The following PCDHGA4 variants were observed in gnomAD, a reference collection of about 807,000 sequenced individuals.
PCDHGA4 encodes protocadherin gamma-A4.
In PCDHGA4, 38 loss-of-function variants were observed where a neutral mutation model predicts 54.6. That is an observed-to-expected ratio of 0.70 (90% CI 0.54 to 0.91). The LOEUF (loss-of-function observed/expected upper bound fraction) is 0.91, where lower values mean the gene tolerates loss of function less well. Ranked by LOEUF, PCDHGA4 falls within the 40% of genes least tolerant of loss-of-function variation. PCDHGA4 has a pLI of 0.00. For synonymous variants in PCDHGA4, 511 were observed against 512.9 expected, an observed-to-expected ratio of 1.00 and a Z score of 0.05; for missense variants, 1,298 against 1,220.9, an observed-to-expected ratio of 1.06 and a Z score of -0.94.
At chr5:141,406,547 A>G (rs1414255326) in intron 1 of PCDHGA4, among the ~76,000 whole-genome samples, 1 of 152,216 alleles carries the variant, frequency 6.6e-6, no homozygotes, top group Non-Finnish European at 1.5e-5. Flanking sequence ...TTCAAACTTC[A>G]GTTATCCACT....
rs2099750571 is a variant in PCDHGA4, at chr5:141,493,878, T to A, written c.2515-929T>A. On this transcript the variant is annotated intron_variant, in intron 1 of 3. Coordinates refer to ENST00000571252, the MANE Select transcript of PCDHGA4 (RefSeq NM_018917.4). This position sits in a 1 kb window ranked among gnomAD's most constrained non-coding sequence, Gnocchi z 4.3. ...GCCCACCCCAGAACCAGTGAGGAGG[T>A]GGCTCTAGGAGTGCTCCATGAGAGT... is the stretch of plus-strand genomic sequence containing the variant. 6.6e-6 allele frequency among the ~76,000 whole-genome samples: 1 copy of A among 152,072 alleles called. No homozygotes were observed. The highest frequency in any genetic ancestry group is 6.6e-5 in the Admixed American group (1 of 15,264).
chr5:141,478,903 C>T lies in PCDHGA4; in HGVS notation c.2515-15904C>T. On this transcript the variant is annotated intron_variant, in intron 1 of 3. Transcript: ENST00000571252. Reference sequence around the variant, plus strand: ...TGGTATCATTTACATTAGGAATAAGCTGCTGGATACCTCTAACCAGTGGCA... The same window carrying T: ...TGGTATCATTTACATTAGGAATAAGTTGCTGGATACCTCTAACCAGTGGCA... 4.2e-6 allele frequency: 4 copies of T among 957,824 alleles called. No homozygotes were observed. The South Asian group carries it at 7.3e-5, about 18-fold the overall frequency. 59.3% of individuals were successfully genotyped at this position (957,824 alleles called of 1,614,324 possible). A position where few individuals can be genotyped will look rare whatever the true frequency, so the allele number is the denominator to read the frequency against.
chr5:141,477,315 C>G lies in PCDHGA4; in HGVS notation c.2515-17492C>G. 2 of 1,614,188 alleles carry G rather than the reference C, an allele frequency of 1.2e-6. No individual in the cohort carries two copies. Among genetic ancestry groups the G allele is most frequent in the African/African-American group, 2.7e-5 (2 of 75,042 alleles). On this transcript the variant is annotated intron_variant, in intron 1 of 3. Coordinates refer to ENST00000571252, the MANE Select transcript of PCDHGA4 (RefSeq NM_018917.4). The surrounding 1 kb of genome is among the most constrained non-coding windows in gnomAD (Gnocchi z 4.9). ...CCACCGGGTCTCCCTTTCAGCCTTA[C>G]TTCTTCCCTCAAGAATTACTTCACT...
intron 1 of PCDHGA4, among the ~76,000 whole-genome samples, chr5:141,453,135 A>G (rs932061368): frequency 6.6e-6 from 1 of 151,778 alleles, no homozygotes; most frequent in Non-Finnish European, 1.5e-5. Context: ...TGTTTTTGAG[A>G]TAGGGTCTCG....
chr5:141,399,998 C>T (rs753846360), intron 1 of PCDHGA4: 37 of 1,612,212 alleles, frequency 2.3e-5, no homozygotes, highest in Non-Finnish European at 2.7e-5. Context: ...GAGGTGCGCA[C>T]AGCGCGTGCC....
At chr5:141,399,511 C>A (rs1252813422) in intron 1 of PCDHGA4, 1 of 1,613,924 alleles carries the variant, frequency 6.2e-7, no homozygotes, top group African/African-American at 1.3e-5. Flanking sequence ...CGAAAACAAC[C>A]CTCCTGGGGC....
At position 141,366,621 on chromosome 5, in the gene PCDHGA4, G is replaced by A. The variant is rs773330182; in HGVS notation, c.2514+9000G>A. 5.6e-6 allele frequency: 9 copies of A among 1,614,110 alleles called. No individual in the cohort carries two copies. The African/African-American group carries it at 8.0e-5, about 14-fold the overall frequency. On this transcript the variant is annotated intron_variant, in intron 1 of 3. Transcript: ENST00000571252. ...GAGGTCTCCCTCACCGCGGACTCGA[G>A]GAAGAGTCACCTGATCTTTCCCCAG...
Position 141,383,585 on chromosome 5 carries a change from A to G in PCDHGA4, c.2514+25964A>G, listed in dbSNP as rs1779292169. The stretch of plus-strand genomic sequence containing the variant: ...CCCCGATCCAGCACCGCCCACATCC[A>G]GGTGACAGTGGTGGATGTGAATGAC... On this transcript the variant is annotated intron_variant, in intron 1 of 3. Coordinates refer to ENST00000571252, the MANE Select transcript of PCDHGA4 (RefSeq NM_018917.4). The G allele has an allele frequency of 4.3e-6, 7 of 1,613,646 alleles. No individual in the cohort carries two copies. Among genetic ancestry groups the G allele is most frequent in the Non-Finnish European group, 5.9e-6 (7 of 1,179,852 alleles).
In PCDHGA4 at chr5:141,487,680, A is replaced by G; in HGVS notation, c.2515-7127A>G. On this transcript the variant is annotated intron_variant, in intron 1 of 3. Coordinates refer to ENST00000571252, the MANE Select transcript of PCDHGA4 (RefSeq NM_018917.4). This position sits in a 1 kb window ranked among gnomAD's most constrained non-coding sequence, Gnocchi z 5.0. ...TCTGATCCAGGCATATGGCTAGGCC[A>G]TGTCCTAGAGAGTACTGGCCTCTCA... 6.2e-7 allele frequency: 1 copy of G among 1,609,370 alleles called. No individual in the cohort carries two copies. The highest frequency in any genetic ancestry group is 2.2e-5 in the East Asian group (1 of 44,826).
At position 141,430,917 on chromosome 5, in the gene PCDHGA4, G is replaced by A. The variant is rs2097324810; in HGVS notation, c.2515-63890G>A. ...GTGGGCGACATCTCCAGGGACCTGG[G>A]GCTGGAGCCCCGGGAGCTCGCGGAG... On this transcript the variant is annotated intron_variant, in intron 1 of 3. Coordinates refer to ENST00000571252, the MANE Select transcript of PCDHGA4 (RefSeq NM_018917.4). The A allele has an allele frequency of 1.9e-6, 3 of 1,607,956 alleles. No individual in the cohort carries two copies. The highest frequency in any genetic ancestry group is 2.5e-6 in the Non-Finnish European group (3 of 1,177,520).
At chr5:141,395,901 C>G (rs1019647060) in intron 1 of PCDHGA4, 6 of 152,046 alleles carry the variant, frequency 3.9e-5, no homozygotes, top group African/African-American at 1.4e-4. Flanking sequence ...GCTCCATGCC[C>G]ATGGAGACAT....
intron 1 of PCDHGA4, chr5:141,372,409 A>C: frequency 6.2e-7 from 1 of 1,614,038 alleles, no homozygotes; most frequent in South Asian, 1.1e-5. Flanking sequence ...CAAGAGATAC[A>C]ACCTGACCTT....
rs1483845993 is a variant in PCDHGA4, at chr5:141,372,004, A to G, written c.2514+14383A>G. On this transcript the variant is annotated intron_variant, in intron 1 of 3. Transcript: ENST00000571252. ...GAGCTCACTCTGCAGGCCCGCGACC[A>G]GGGCTCGCCTACGCTCAGCGCCAAC... 5.0e-6 allele frequency: 8 copies of G among 1,613,122 alleles called. No homozygotes were observed. The highest frequency in any genetic ancestry group is 6.8e-6 in the Non-Finnish European group (8 of 1,179,734).
rs562030939 is a variant in PCDHGA4 at position 141,365,175 on chromosome 5, G to T, written c.2514+7554G>T. ...AACGGGAAATTGACCTACTCTTTTC[G>T]CAATGAAGAAGAAAAAATTTCGGAG... On this transcript the variant is annotated intron_variant, in intron 1 of 3. Transcript: ENST00000571252. 7 of 1,613,832 alleles carry T rather than the reference G, an allele frequency of 4.3e-6. No homozygotes were observed. In the African/African-American group the frequency reaches 5.3e-5, roughly 12 times the overall value.
chr5:141,418,533 C>G, intron 1 of PCDHGA4: 1 of 1,614,032 alleles, frequency 6.2e-7, no homozygotes, highest in Non-Finnish European at 8.5e-7. Flanking sequence ...CGAAGCGGTA[C>G]TGCTCAGATA....
intron 1 of PCDHGA4, among the ~76,000 whole-genome samples, chr5:141,457,827 C>T (rs1300495115): frequency 2.0e-5 from 3 of 152,204 alleles, no homozygotes; most frequent in Admixed American, 6.5e-5. Context: ...AAACTCAGAG[C>T]TTCCAGACCT....
At position 141,489,728 on chromosome 5, in the gene PCDHGA4, G is replaced by T; in HGVS notation, c.2515-5079G>T. ...GACAGTGCCCAGGATCCGGATGTGGGCACCAATACTGTGAGCTTTTACACT... is the reference window on the plus strand; with the variant it reads ...GACAGTGCCCAGGATCCGGATGTGGTCACCAATACTGTGAGCTTTTACACT... On this transcript the variant is annotated intron_variant, in intron 1 of 3. Transcript: ENST00000571252. The surrounding 1 kb of genome is among the most constrained non-coding windows in gnomAD (Gnocchi z 4.5). The T allele has an allele frequency of 3.1e-6, 5 of 1,614,138 alleles. No homozygotes were observed. The South Asian group carries it at 5.5e-5, about 18-fold the overall frequency.
At position 141,394,450 on chromosome 5, in the gene PCDHGA4, T is replaced by A. The variant is rs188283892; in HGVS notation, c.2514+36829T>A. Reference sequence around the variant, plus strand: ...GGGGACCCGCCCCTCAGCAGCAACATGTCACTGAGCCTGTTCGTGCTGGAC... The same window carrying A: ...GGGGACCCGCCCCTCAGCAGCAACAAGTCACTGAGCCTGTTCGTGCTGGAC... On this transcript the variant is annotated intron_variant, in intron 1 of 3. Transcript: ENST00000571252. 92 of 1,614,228 alleles carry A rather than the reference T, an allele frequency of 5.7e-5. No individual in the cohort carries two copies. The East Asian group carries it at 1.9e-3, about 34-fold the overall frequency.
At position 141,486,209 on chromosome 5, in the gene PCDHGA4, A is replaced by C. The variant is rs749965379; in HGVS notation, c.2515-8598A>C. On this transcript the variant is annotated intron_variant, in intron 1 of 3. Transcript: ENST00000571252. The surrounding 1 kb of genome is among the most constrained non-coding windows in gnomAD (Gnocchi z 5.0). ...AGTGGATCTGCTGGACGTAAATGAC[A>C]ATGCCCCTTACATCACAGTGACCTC... 1 of 1,614,080 alleles carries C rather than the reference A, an allele frequency of 6.2e-7. No homozygotes were observed. Among genetic ancestry groups the C allele is most frequent in the South Asian group, 1.1e-5 (1 of 91,078 alleles).
Sources: allele counts gnomAD v4.1 joint callset (sites outside exome capture counted in the v4.1 genomes callset), GRCh38; gene constraint gnomAD v4.1.1; non-coding constraint Gnocchi (gnomAD v3.1); transcripts MANE v1.5; gene names NCBI Gene and HGNC (gene_info 2026-07-23, HGNC 2026-07-21).